SOX6: variants seen among roughly 807,000 people sequenced by gnomAD.
SOX6 encodes SRY-box transcription factor 6, also known as transcription factor SOX-6.
In SOX6, 11 loss-of-function variants were observed where a neutral mutation model predicts 97.8. That is an observed-to-expected ratio of 0.11 (90% CI 0.07 to 0.19). The LOEUF is 0.19. Ranked by LOEUF, SOX6 falls within the 10% of genes least tolerant of loss-of-function variation. The pLI is 1.00. For missense variants in SOX6, 810 were observed against 1,039.5 expected (o/e 0.78, Z 3.04); for synonymous variants, 360 against 371.4 (o/e 0.97, Z 0.35).
chr11:16,299,798 C>A (rs573945433), intron 3 of SOX6, among the ~76,000 whole-genome samples: 2 of 151,924 alleles, frequency 1.3e-5, no homozygotes, highest in South Asian at 4.2e-4. Flanking sequence ...CCAGGAAAGG[C>A]CAAAGAAAGG....
intron 15 of SOX6, among the ~76,000 whole-genome samples, chr11:15,979,630 G>C (rs1216840749): frequency 6.6e-6 from 1 of 151,998 alleles, no homozygotes; most frequent in Non-Finnish European, 1.5e-5. Context: ...TACTCACTTT[G>C]CTCCTGTCAT....
chr11:16,581,041 T>C (rs1282187302), intron 4 of SOX6, among the ~76,000 whole-genome samples: 1 of 152,096 alleles, frequency 6.6e-6, no homozygotes, highest in African/African-American at 2.4e-5. Flanking sequence ...AGTGCGGCGA[T>C]TCCTCAAGAA....
intron 6 of SOX6, among the ~76,000 whole-genome samples, chr11:16,162,537 C>T (rs1205089110): frequency 6.6e-6 from 1 of 152,134 alleles, no homozygotes; most frequent in Non-Finnish European, 1.5e-5. Flanking sequence ...TGTGTGGCAT[C>T]TCCCCCTCAC....
intron 4 of SOX6, among the ~76,000 whole-genome samples, chr11:16,582,055 A>T (rs1352697625): frequency 6.6e-6 from 1 of 152,152 alleles, no homozygotes. Context: ...AAATTAACGC[A>T]GGAAAAGAAA....
intron 3 of SOX6, among the ~76,000 whole-genome samples, chr11:16,244,808 G>T (rs1853288813): frequency 6.6e-6 from 1 of 151,304 alleles, no homozygotes; most frequent in South Asian, 2.1e-4. Context: ...ATTCTTTTCT[G>T]TTCTATTAAT....
intron 3 of SOX6, among the ~76,000 whole-genome samples, chr11:16,669,344 G>C (rs1411117514): frequency 6.6e-6 from 1 of 152,224 alleles, no homozygotes; most frequent in Non-Finnish European, 1.5e-5. Context: ...AAACAAGGCA[G>C]GACAACAGCC....
intron 4 of SOX6, among the ~76,000 whole-genome samples, chr11:16,609,326 G>T (rs1410949297): frequency 2.0e-5 from 3 of 152,176 alleles, no homozygotes; most frequent in Non-Finnish European, 4.4e-5. Context: ...CAAGATAAAA[G>T]CTGGGAAAGA....
intron 4 of SOX6, among the ~76,000 whole-genome samples, chr11:16,208,922 T>C (rs1169105449): frequency 6.6e-6 from 1 of 152,234 alleles, no homozygotes; most frequent in African/African-American, 2.4e-5. Flanking sequence ...ATTCTACTTG[T>C]AAATTTTGAT....
intron 4 of SOX6, among the ~76,000 whole-genome samples, chr11:16,520,269 G>C (rs1861037983): frequency 6.6e-6 from 1 of 152,082 alleles, no homozygotes; most frequent in African/African-American, 2.4e-5. Context: ...TGAATTCTTT[G>C]CCTAGGCCAA....
In SOX6 at chr11:16,346,305, C is replaced by G. The variant is rs191309226; in HGVS notation, c.-4-5053G>C. On this transcript the variant is annotated intron_variant, in intron 1 of 15. Transcript: ENST00000683767. ...GTTTAGTTGCCAAAATGCACAATAC[C>G]CAGGAACCTCTACAAAGGACACCAG... 1.4e-3 allele frequency among the ~76,000 whole-genome samples: 210 copies of G among 151,984 alleles called. 1 individual carries two copies. Among genetic ancestry groups the G allele is most frequent in the Non-Finnish European group, 2.3e-3 (153 of 67,902 alleles).
intron 6 of SOX6, among the ~76,000 whole-genome samples, chr11:16,135,628 T>C (rs1036992426): frequency 1.3e-5 from 2 of 152,208 alleles, no homozygotes; most frequent in Non-Finnish European, 2.9e-5. Context: ...TATTTCAGTC[T>C]TATAATAAAA....
intron 3 of SOX6, among the ~76,000 whole-genome samples, chr11:16,674,991 A>G (rs550219619): frequency 5.9e-5 from 9 of 152,270 alleles, no homozygotes; most frequent in African/African-American, 2.2e-4. Flanking sequence ...ATTGGAAACG[A>G]CTAACTCAAA....
At chr11:16,283,510 T>A (rs891528606) in intron 3 of SOX6, among the ~76,000 whole-genome samples, 2 of 151,734 alleles carry the variant, frequency 1.3e-5, no homozygotes, top group African/African-American at 4.8e-5. Flanking sequence ...AATAATTTTC[T>A]TTAAACCATA....
At chr11:16,132,464 G>T (rs547391361) in intron 6 of SOX6, among the ~76,000 whole-genome samples, 3 of 138,186 alleles carry the variant, frequency 2.2e-5, no homozygotes, top group Non-Finnish European at 4.7e-5. Flanking sequence ...AAGAAAGAAA[G>T]AAAGAAAGAA....
At chr11:16,116,046 C>A (rs1352895814) in intron 6 of SOX6, among the ~76,000 whole-genome samples, 1 of 152,094 alleles carries the variant, frequency 6.6e-6, no homozygotes, top group Non-Finnish European at 1.5e-5. Flanking sequence ...AAACAATAAA[C>A]TTATTTTAAG....
chr11:16,472,710 A>G (rs1860160367), intron 1 of SOX6, among the ~76,000 whole-genome samples: 1 of 152,124 alleles, frequency 6.6e-6, no homozygotes, highest in Non-Finnish European at 1.5e-5. Flanking sequence ...ATCCTAATCA[A>G]TACTATTATT....
chr11:16,593,692 A>G (rs1231689336), intron 4 of SOX6, among the ~76,000 whole-genome samples: 2 of 152,214 alleles, frequency 1.3e-5, no homozygotes, highest in Admixed American at 6.5e-5. Context: ...TTATGAACCA[A>G]ACAAGGTACT....
chr11:16,201,370 AT>A (rs140346677), intron 4 of SOX6, among the ~76,000 whole-genome samples: 1 of 152,222 alleles, frequency 6.6e-6, no homozygotes, highest in Non-Finnish European at 1.5e-5. Flanking sequence ...TTTAAATGTC[AT>A]AAAAATTTCC....
chr11:16,624,303 T>G (rs1483883823), intron 3 of SOX6, among the ~76,000 whole-genome samples: 2 of 152,052 alleles, frequency 1.3e-5, no homozygotes, highest in African/African-American at 4.8e-5. Context: ...TTCTCCTGCC[T>G]CAGCCTCCCA....
Sources: gnomAD v4.1 joint callset for allele counts (sites outside exome capture counted in the v4.1 genomes callset) on GRCh38, gnomAD v4.1.1 for gene constraint, MANE v1.5 for transcripts, NCBI Gene and HGNC (gene_info 2026-07-23, HGNC 2026-07-21) for gene names.